The following ZNF592 variants were observed in gnomAD, a reference collection of about 807,000 sequenced individuals.
The protein encoded by ZNF592 is zinc finger protein 592.
ZNF592 carries 11 observed loss-of-function variants against 80.3 expected under a neutral mutation model. That is an observed-to-expected ratio of 0.14 (90% CI 0.09 to 0.23). The LOEUF (loss-of-function observed/expected upper bound fraction) is 0.23, where lower values mean the gene tolerates loss of function less well. ZNF592 is among the 10% of genes least tolerant of loss of function. ZNF592 has a pLI of 1.00. For missense variants in ZNF592, 1,420 were observed against 1,633.9 expected, an observed-to-expected ratio of 0.87 and a Z score of 2.26; for synonymous variants, 646 against 640.3, an observed-to-expected ratio of 1.01 and a Z score of -0.13.
chr15:84,763,910 C>T (rs879826201), intron 1 of ZNF592, among the ~76,000 whole-genome samples: 8 of 152,124 alleles, frequency 5.3e-5, no homozygotes, highest in Non-Finnish European at 8.8e-5. Flanking sequence ...GGGTAGTGGC[C>T]AAGTATTAGT....
chr15:84,766,018 T>C (rs1899508558), intron 2 of ZNF592, among the ~76,000 whole-genome samples: 1 of 147,398 alleles, frequency 6.8e-6, no homozygotes, highest in Non-Finnish European at 1.5e-5. Flanking sequence ...TTTTTTTTTA[T>C]GTTTTGTTTT....
intron 2 of ZNF592, among the ~76,000 whole-genome samples, chr15:84,776,978 G>C (rs1962271854): frequency 1.3e-5 from 2 of 152,094 alleles, no homozygotes; most frequent in Admixed American, 1.3e-4. Flanking sequence ...CTTGAACCTG[G>C]GAGGCGGAGG....
At position 84,802,482 on chromosome 15, in the gene ZNF592, C is replaced by G; in HGVS notation, c.*89C>G. The G allele has an allele frequency of 1.3e-6, 2 of 1,488,724 alleles. No homozygotes were observed. The highest frequency in any genetic ancestry group is 1.8e-6 in the Non-Finnish European group (2 of 1,088,308). 92.2% of individuals were successfully genotyped at this position (1,488,724 alleles called of 1,614,324 possible). ...ACCGTGGAAAATAAAAGGCTCTGCC[C>G]CCAGTGTGAGTGTGACCGGTTGTAC... On this transcript the variant is annotated 3_prime_UTR_variant, in exon 11 of 11. Transcript: ENST00000560079.
chr15:84,792,397 A>C (rs1044566636), intron 5 of ZNF592, among the ~76,000 whole-genome samples: 8 of 152,242 alleles, frequency 5.3e-5, no homozygotes, highest in African/African-American at 1.4e-4. Flanking sequence ...TGGGAAGCTA[A>C]CACGTATATT....
Position 84,784,223 on chromosome 15 carries a change from T to C in ZNF592, c.1548T>C (p.Ala516=), listed in dbSNP as rs1204131009. ...ANLNLVPHSV[A]ASVTAKSSVQ... The stretch of plus-strand genomic sequence containing the variant: ...TGAACCTCGTCCCCCACAGTGTTGC[T>C]GCATCAGTGACAGCCAAGTCTTCAG... The change falls in exon 4 of 11, where the codon GCT becomes GCC. Residue 516 remains alanine (A), a synonymous_variant. Transcript: ENST00000560079. This position sits in a 1 kb window ranked among gnomAD's most constrained non-coding sequence, Gnocchi z 5.8. 1 of 1,614,228 alleles carries C rather than the reference T, an allele frequency of 6.2e-7. No homozygotes were observed.
chr15:84,793,754 A>C (rs1251555240), intron 5 of ZNF592, among the ~76,000 whole-genome samples: 1 of 152,180 alleles, frequency 6.6e-6, no homozygotes, highest in African/African-American at 2.4e-5. Flanking sequence ...TCTTCTGGAC[A>C]TGTCATATAA....
chr15:84,779,044 G>A lies in ZNF592; in HGVS notation c.-20+732G>A, dbSNP rs541208899. ...AGCATTTAATAGGCAAGAAGGAAGG[G>A]AGAAGACAGAAGGAAGAAACTCCCT... is the stretch of plus-strand genomic sequence containing the variant. On this transcript the variant is annotated intron_variant, in intron 3 of 10. Transcript: ENST00000560079. Among the ~76,000 whole-genome samples the A allele has an allele frequency of 2.0e-5, 3 of 152,318 alleles. No individual in the cohort carries two copies. In the South Asian group the frequency reaches 6.2e-4, roughly 32 times the overall value.
intron 2 of ZNF592, among the ~76,000 whole-genome samples, chr15:84,768,235 T>TC (rs1325642317): frequency 7.0e-6 from 1 of 143,246 alleles, no homozygotes; most frequent in East Asian, 2.1e-4. Flanking sequence ...TCTTTCTTTT[T>TC]TTTTTTTTTT....
In ZNF592 at chr15:84,771,158, A is replaced by G. The variant is rs180689625; in HGVS notation, c.-150+6343A>G. 1.1e-4 allele frequency among the ~76,000 whole-genome samples: 16 copies of G among 152,218 alleles called. No homozygotes were observed. In the East Asian group the frequency reaches 2.3e-3, roughly 22 times the overall value. ...TAGAGGGGAAAGACATGACCCCCAC[A>G]CAGGAGAGGCTCACATACTGATGGG... On this transcript the variant is annotated intron_variant, in intron 2 of 10. Transcript: ENST00000560079.
chr15:84,790,561 A>G lies in ZNF592; in HGVS notation c.2221-144A>G, dbSNP rs915841957. ...ACTGGAAATGAGGTCTAGGGGTGTC[A>G]GAAGTGTCCAGGAGAGTTGGAAGAG... On this transcript the variant is annotated intron_variant, in intron 4 of 10. Coordinates refer to ENST00000560079, the MANE Select transcript of ZNF592 (RefSeq NM_014630.3). 36 of 825,784 alleles carry G rather than the reference A, an allele frequency of 4.4e-5. No individual in the cohort carries two copies. The African/African-American group carries it at 5.7e-4, about 13-fold the overall frequency. The allele number at this position is 825,784 out of a possible 1,614,324, so 51.2% of individuals were successfully genotyped here. A position where few individuals can be genotyped will look rare whatever the true frequency, so the allele number is the denominator to read the frequency against.
Position 84,798,465 on chromosome 15 carries a change from A to G in ZNF592, c.2727A>G (p.Gln909=). The G allele has an allele frequency of 6.2e-7, 1 of 1,613,956 alleles. No homozygotes were observed. The highest frequency in any genetic ancestry group is 1.1e-5 in the South Asian group (1 of 91,062). ...LLFVQKPELM[Q]HVKSTHGVPR... ...TCGTGCAGAAGCCGGAGTTGATGCA[A>G]CACGTCAAGGTGGGATGCCTTGCGG... Residue 909 remains glutamine (Q), a synonymous_variant, in exon 7 of 11, where the codon CAA becomes CAG. Transcript: ENST00000560079. This position sits in a 1 kb window ranked among gnomAD's most constrained non-coding sequence, Gnocchi z 4.5.
intron 3 of ZNF592, among the ~76,000 whole-genome samples, chr15:84,779,171 G>A (rs1962351273): frequency 6.6e-6 from 1 of 152,170 alleles, no homozygotes; most frequent in East Asian, 1.9e-4. Context: ...ATAACTATAT[G>A]TTGCAAATAT....
Position 84,802,611 on chromosome 15 carries a change from T to A in ZNF592, c.*218T>A. On this transcript the variant is annotated 3_prime_UTR_variant, in exon 11 of 11. Transcript: ENST00000560079. ...CACAGCTCTGAATTTGCTTCTGTTA[T>A]TTATGGCTTTTCGCTGCTTCTTGGT... is the stretch of plus-strand genomic sequence containing the variant. 1.6e-6 allele frequency: 1 copy of A among 607,854 alleles called. No homozygotes were observed. Among genetic ancestry groups the A allele is most frequent in the South Asian group, 2.0e-5 (1 of 50,860 alleles). 37.7% of individuals were successfully genotyped at this position (607,854 alleles called of 1,614,324 possible). A position where few individuals can be genotyped will look rare whatever the true frequency, so the allele number is the denominator to read the frequency against.
At chr15:84,779,563 G>T (rs1371811757) in intron 3 of ZNF592, among the ~76,000 whole-genome samples, 2 of 151,812 alleles carry the variant, frequency 1.3e-5, no homozygotes, top group Admixed American at 1.3e-4. Context: ...TGTTTCCCAG[G>T]CTACTCTCAA....
chr15:84,795,594 A>T (rs1962871929), intron 5 of ZNF592, among the ~76,000 whole-genome samples: 1 of 152,250 alleles, frequency 6.6e-6, no homozygotes, highest in Non-Finnish European at 1.5e-5. Flanking sequence ...TTCTTTACAC[A>T]TATCAGATGT....
chr15:84,781,292 C>G (rs1478333592), intron 3 of ZNF592, among the ~76,000 whole-genome samples: 1 of 152,096 alleles, frequency 6.6e-6, no homozygotes, highest in Admixed American at 6.5e-5. Context: ...AAGCTATCCA[C>G]TCACCTTGGC....
chr15:84,782,147 A>G (rs1020931052), intron 3 of ZNF592, among the ~76,000 whole-genome samples: 8 of 152,234 alleles, frequency 5.3e-5, no homozygotes, highest in Non-Finnish European at 1.0e-4. Context: ...ACAAATAGCA[A>G]ATCATTTTGG....
At chr15:84,770,513 A>G (rs1348546310) in intron 2 of ZNF592, among the ~76,000 whole-genome samples, 1 of 152,146 alleles carries the variant, frequency 6.6e-6, no homozygotes, top group Non-Finnish European at 1.5e-5. Context: ...AGATGTTTCC[A>G]GTGGATTATG....
intron 4 of ZNF592, among the ~76,000 whole-genome samples, chr15:84,788,091 G>A (rs1183205056): frequency 3.9e-5 from 6 of 152,082 alleles, no homozygotes; most frequent in South Asian, 4.1e-4. Flanking sequence ...CTGGAAGTAA[G>A]CAATAAAAAC....
Sources: allele counts gnomAD v4.1 joint callset (sites outside exome capture counted in the v4.1 genomes callset), GRCh38; gene constraint gnomAD v4.1.1; non-coding constraint Gnocchi (gnomAD v3.1); transcripts MANE v1.5; gene names NCBI Gene and HGNC (gene_info 2026-07-23, HGNC 2026-07-21).